Variants in TBC1D9 observed in about 807,000 individuals in gnomAD.
TBC1D9 encodes the protein TBC1 domain family member 9A.
Under a neutral mutation model 132.0 loss-of-function variants are expected in TBC1D9, and 63 were observed. The observed-to-expected ratio is 0.48, with a 90% confidence interval of 0.39 to 0.59. The LOEUF is 0.59. TBC1D9 is among the 20% of genes least tolerant of loss of function. The pLI is 0.00. For synonymous variants in TBC1D9, 610 were observed against 609.9 expected (o/e 1.00, Z 0.00); for missense variants, 1,261 against 1,592.7 (o/e 0.79, Z 3.54).
intron 1 of TBC1D9, among the ~76,000 whole-genome samples, chr4:140,745,070 GC>G (rs895971903): frequency 1.3e-5 from 2 of 152,006 alleles, no homozygotes; most frequent in Admixed American, 6.6e-5. Context: ...TTACCTGGAA[GC>G]CCCACCTCTT....
intron 20 of TBC1D9, 35 bp downstream of exon 20, chr4:140,624,081 G>A (rs751890901): frequency 2.0e-5 from 31 of 1,518,934 alleles, no homozygotes; most frequent in Non-Finnish European, 2.7e-5. Context: ...GAGTGTCCAG[G>A]TTTGAAGCGA....
Position 140,670,717 on chromosome 4 carries a change from G to A in TBC1D9, c.1266+3C>T, listed in dbSNP as rs747713432. 27 of 1,612,810 alleles carry A rather than the reference G, an allele frequency of 1.7e-5. No homozygotes were observed. The South Asian group carries it at 3.0e-4, about 18-fold the overall frequency. ...AAAATACTTTCAGGTGTCTCCCACA[G>A]ACCTCATCATCTGAACTGTTGTAAC... On this transcript the variant is annotated splice_donor_region_variant and intron_variant, in intron 7 of 20. Coordinates refer to ENST00000442267, the MANE Select transcript of TBC1D9 (RefSeq NM_015130.3).
At chr4:140,742,101 T>A (rs1738767309) in intron 1 of TBC1D9, among the ~76,000 whole-genome samples, 1 of 152,298 alleles carries the variant, frequency 6.6e-6, no homozygotes, top group Admixed American at 6.5e-5. Flanking sequence ...GTGTCATGGG[T>A]CATGGTCCTT....
Position 140,756,137 on chromosome 4 carries a change from G to T in TBC1D9, c.-92C>A, listed in dbSNP as rs1158686021. The T allele has an allele frequency of 9.4e-7, 1 of 1,065,682 alleles. No homozygotes were observed. Among genetic ancestry groups the T allele is most frequent in the Non-Finnish European group, 1.2e-6 (1 of 810,808 alleles). The allele number at this position is 1,065,682 out of a possible 1,614,324, so 66.0% of individuals were successfully genotyped here. ...CAGGCGCGCACTCCTGGGCACACGC[G>T]CGCCCGCCCGCCCGTCCGCTAGGTG... On this transcript the variant is annotated 5_prime_UTR_variant, in exon 1 of 21. Coordinates refer to ENST00000442267, the MANE Select transcript of TBC1D9 (RefSeq NM_015130.3). This position sits in a 1 kb window ranked among gnomAD's most constrained non-coding sequence, Gnocchi z 5.6.
At chr4:140,674,486 A>C (rs1161714835) in intron 6 of TBC1D9, among the ~76,000 whole-genome samples, 1 of 152,144 alleles carries the variant, frequency 6.6e-6, no homozygotes, top group Non-Finnish European at 1.5e-5. Flanking sequence ...TGAATAAATT[A>C]TGTATATACT....
chr4:140,722,893 G>A (rs1738445924), intron 1 of TBC1D9, among the ~76,000 whole-genome samples: 1 of 151,994 alleles, frequency 6.6e-6, no homozygotes, highest in Admixed American at 6.5e-5. Flanking sequence ...TTGAGTTATA[G>A]CTTATTACTC....
In TBC1D9 at chr4:140,713,239, C is replaced by T. The variant is rs867250610; in HGVS notation, c.131-11625G>A. Among the ~76,000 whole-genome samples the T allele has an allele frequency of 5.3e-5, 8 of 152,116 alleles. No homozygotes were observed. In the South Asian group the frequency reaches 6.2e-4, roughly 12 times the overall value. On this transcript the variant is annotated intron_variant, in intron 1 of 20. Coordinates refer to ENST00000442267, the MANE Select transcript of TBC1D9 (RefSeq NM_015130.3). ...AGGTGTGAGCCGCCTCATGGGCCTT[C>T]CACTGAGTATTCATTAAATCTCTAA...
At position 140,640,743 on chromosome 4, in the gene TBC1D9, A is replaced by T. The variant is rs56113808; in HGVS notation, c.2338-1315T>A. Among the ~76,000 whole-genome samples the T allele has an allele frequency of 4.9e-3, 751 of 152,038 alleles. 7 individuals carry two copies. The highest frequency in any genetic ancestry group is 0.017 in the African/African-American group (723 of 41,392). On this transcript the variant is annotated intron_variant, in intron 13 of 20. Transcript: ENST00000442267. ...CAGCATCGAGTGTTGGTAAAGATAT[A>T]GTGCAACCAAAACTCTTATATACTG... is the stretch of plus-strand genomic sequence containing the variant.
At chr4:140,746,441 TG>T (rs565239950) in intron 1 of TBC1D9, among the ~76,000 whole-genome samples, 39 of 152,226 alleles carry the variant, frequency 2.6e-4, no homozygotes, top group African/African-American at 8.4e-4. Context: ...GATTTTCAAA[TG>T]GGGGGTGGTT....
chr4:140,687,332 T>C (rs565589234), intron 2 of TBC1D9, among the ~76,000 whole-genome samples: 1 of 122,352 alleles, frequency 8.2e-6, no homozygotes, highest in South Asian at 2.9e-4. Flanking sequence ...TGTGTGTGTG[T>C]GTGTGTGTGT....
chr4:140,752,623 T>C (rs1738943742), intron 1 of TBC1D9, among the ~76,000 whole-genome samples: 1 of 152,196 alleles, frequency 6.6e-6, no homozygotes, highest in Admixed American at 6.5e-5. Flanking sequence ...ACTTTGCATC[T>C]GATTTCTGTA....
intron 1 of TBC1D9, among the ~76,000 whole-genome samples, chr4:140,711,536 C>G (rs41346147): frequency 6.6e-6 from 1 of 152,060 alleles, no homozygotes; most frequent in Non-Finnish European, 1.5e-5. Context: ...TATCCTCTTA[C>G]GTAATTCAAC....
chr4:140,713,801 A>G (rs950602628), intron 1 of TBC1D9, among the ~76,000 whole-genome samples: 1 of 152,130 alleles, frequency 6.6e-6, no homozygotes, highest in Non-Finnish European at 1.5e-5. Context: ...TTGGAACTAT[A>G]CACTATAAAA....
chr4:140,652,533 A>G (rs1737202367), intron 13 of TBC1D9, among the ~76,000 whole-genome samples: 1 of 152,220 alleles, frequency 6.6e-6, no homozygotes, highest in Non-Finnish European at 1.5e-5. Flanking sequence ...CGGTACATCC[A>G]TAATTCCATC....
At chr4:140,722,659 T>C (rs1450565758) in intron 1 of TBC1D9, among the ~76,000 whole-genome samples, 1 of 152,226 alleles carries the variant, frequency 6.6e-6, no homozygotes, top group Non-Finnish European at 1.5e-5. Flanking sequence ...TTAAAAATGA[T>C]ACCCTTGTAA....
chr4:140,735,783 T>C (rs1267603917), intron 1 of TBC1D9, among the ~76,000 whole-genome samples: 1 of 152,220 alleles, frequency 6.6e-6, no homozygotes, highest in Non-Finnish European at 1.5e-5. Context: ...TAGCAAGACC[T>C]ACTGTGGCGT....
At chr4:140,624,771 G>C (rs1224027867) in intron 18 of TBC1D9, among the ~76,000 whole-genome samples, 2 of 152,192 alleles carry the variant, frequency 1.3e-5, no homozygotes, top group African/African-American at 2.4e-5. Flanking sequence ...TTAATGGAGG[G>C]TCAAGCAGCG....
At position 140,669,649 on chromosome 4, in the gene TBC1D9, C is replaced by T. The variant is rs745852645; in HGVS notation, c.1422G>A (p.Glu474=). 2.2e-5 allele frequency: 36 copies of T among 1,609,764 alleles called. 1 individual carries two copies. The highest frequency in any genetic ancestry group is 2.8e-5 in the Non-Finnish European group (33 of 1,176,584). Residue 474 remains glutamate (E), a synonymous_variant, in exon 8 of 21, where the codon GAG becomes GAA. Coordinates refer to ENST00000442267, the MANE Select transcript of TBC1D9 (RefSeq NM_015130.3). Reference sequence around the variant, plus strand: ...AGGCACCCACCAATTTCGGGTTGAACTCCTCGGGAGACCGCCGCCGATACA... The same window carrying T: ...AGGCACCCACCAATTTCGGGTTGAATTCCTCGGGAGACCGCCGCCGATACA... The part of the protein sequence containing the change: ...MTMYRRRSPE[E]FNPKLAKEFL...
At position 140,627,450 on chromosome 4, in the gene TBC1D9, A is replaced by T; in HGVS notation, c.2890T>A (p.Cys964Ser). 6.2e-7 allele frequency: 1 copy of T among 1,602,520 alleles called. No homozygotes were observed. The highest frequency in any genetic ancestry group is 8.5e-7 in the Non-Finnish European group (1 of 1,171,022). ...QYFFEDITPE[C>S]THVVGLDSRS... ...GAGAAAAGTCACTTACCATGTGTACATTCTGGGGTAATATCTTCAAAGAAG... is the reference window on the plus strand; with the variant it reads ...GAGAAAAGTCACTTACCATGTGTACTTTCTGGGGTAATATCTTCAAAGAAG... The change falls in exon 18 of 21, where the codon TGT becomes AGT. Residue 964 changes from cysteine (C) to serine (S), a missense_variant. Cys to Ser is a moderately radical substitution (Grantham distance 112). Transcript: ENST00000442267.
Sources: allele counts gnomAD v4.1 joint callset (sites outside exome capture counted in the v4.1 genomes callset), GRCh38; gene constraint gnomAD v4.1.1; non-coding constraint Gnocchi (gnomAD v3.1); transcripts MANE v1.5; gene names NCBI Gene and HGNC (gene_info 2026-07-23, HGNC 2026-07-21).